RPIA: variants seen among roughly 807,000 people sequenced by gnomAD.
RPIA encodes ribose 5-phosphate isomerase A.
In RPIA, 29 loss-of-function variants were observed where a neutral mutation model predicts 37.8. That is an observed-to-expected ratio of 0.77 (90% confidence interval 0.57 to 1.05). RPIA has a LOEUF of 1.05. Among genes scored for constraint, RPIA ranks in the 50% least tolerant of loss-of-function variants. RPIA has a pLI of 0.00. For missense variants in RPIA, 385 were observed against 413.6 expected, an observed-to-expected ratio of 0.93 and a Z score of 0.60; for synonymous variants, 167 against 157.0, an observed-to-expected ratio of 1.06 and a Z score of -0.48.
intron 3 of RPIA, among the ~76,000 whole-genome samples, chr2:88,724,006 A>C (rs1418076436): frequency 6.6e-6 from 1 of 152,150 alleles, no homozygotes; most frequent in South Asian, 2.1e-4. Context: ...AGGCAATCAG[A>C]TATGCATTTA....
At position 88,710,210 on chromosome 2, in the gene RPIA, CT is replaced by C. The variant is rs1347422233; in HGVS notation, c.402+10151del. Among the ~76,000 whole-genome samples, 14 of 152,218 alleles carry C rather than the reference CT, an allele frequency of 9.2e-5. No homozygotes were observed. The East Asian group carries it at 2.7e-3, about 29-fold the overall frequency. The stretch of plus-strand genomic sequence containing the variant: ...TACAGGTGCATGCCACCATGCCTAG[CT>C]TTTTAAAAATTTTTTGTAGAGACGA... On this transcript the variant is annotated intron_variant, in intron 3 of 8. Coordinates refer to ENST00000283646, the MANE Select transcript of RPIA (RefSeq NM_144563.3).
chr2:88,744,775 G>T (rs1460956696), intron 8 of RPIA, among the ~76,000 whole-genome samples: 2 of 152,020 alleles, frequency 1.3e-5, no homozygotes. Context: ...CTAACTTGTT[G>T]CTTTAAAGTC....
intron 1 of RPIA, among the ~76,000 whole-genome samples, chr2:88,695,972 A>G (rs757155418): frequency 1.3e-5 from 2 of 149,588 alleles, no homozygotes; most frequent in African/African-American, 4.9e-5. Context: ...CATTCTTTCT[A>G]ATCTTTTCTA....
intron 3 of RPIA, among the ~76,000 whole-genome samples, chr2:88,703,273 G>A (rs1232864137): frequency 6.6e-6 from 1 of 152,194 alleles, no homozygotes; most frequent in Non-Finnish European, 1.5e-5. Flanking sequence ...CCACTAGGCA[G>A]TGCCCCAGTA....
At chr2:88,700,416 C>T (rs1031495883) in intron 3 of RPIA, among the ~76,000 whole-genome samples, 3 of 152,096 alleles carry the variant, frequency 2.0e-5, no homozygotes, top group Non-Finnish European at 2.9e-5. Context: ...CTTTGGGAGG[C>T]CAAGGTAGGC....
At chr2:88,729,195 A>G (rs1486917861) in intron 3 of RPIA, 83 bp from the exon 4 acceptor site, 2 of 1,444,334 alleles carry the variant, frequency 1.4e-6, no homozygotes, top group Non-Finnish European at 1.9e-6. Flanking sequence ...AGGACTTGGG[A>G]CACTTAAATC....
At chr2:88,730,240 T>C (rs1170189616) in intron 4 of RPIA, among the ~76,000 whole-genome samples, 19 of 56,672 alleles carry the variant, frequency 3.4e-4, no homozygotes, top group Non-Finnish European at 1.9e-4. Flanking sequence ...CCAGCATCAT[T>C]CTGATACCAA....
intron 3 of RPIA, among the ~76,000 whole-genome samples, chr2:88,715,644 G>A (rs1008280438): frequency 2.6e-5 from 4 of 152,170 alleles, no homozygotes; most frequent in Non-Finnish European, 5.9e-5. Flanking sequence ...TCACATCCTG[G>A]ACTTGAAAAT....
At chr2:88,712,783 C>T (rs2104095253) in intron 3 of RPIA, among the ~76,000 whole-genome samples, 1 of 152,298 alleles carries the variant, frequency 6.6e-6, no homozygotes, top group African/African-American at 2.4e-5. Context: ...AGCCGCTATA[C>T]TTGGCTGCAC....
Position 88,729,337 on chromosome 2 carries a change from G to T in RPIA, c.462G>T (p.Glu154Asp). The T allele has an allele frequency of 2.5e-6, 4 of 1,614,098 alleles. No individual in the cohort carries two copies. The highest frequency in any genetic ancestry group is 3.4e-6 in the Non-Finnish European group (4 of 1,179,962). ...LTLSDLDRHP[E>D]IDLAIDGADE... The stretch of plus-strand genomic sequence containing the variant: ...TCAGTGATCTGGATCGACACCCAGA[G>T]GTAAGATTGCCACTCAGAGGCAGAC... Residue 154 changes from glutamate (E) to aspartate (D), a missense_variant and splice_region_variant, in exon 4 of 9, where the codon GAG becomes GAT. Glu to Asp is a conservative substitution (Grantham distance 45, BLOSUM62 2). Around this residue, in one of 2 missense-constraint regions of RPIA, gnomAD observed 153 missense variants for 210.6 expected, o/e 0.73. Transcript: ENST00000283646.
chr2:88,735,856 T>C, intron 6 of RPIA, 119 bp downstream of exon 6: 2 of 966,418 alleles, frequency 2.1e-6, no homozygotes, highest in Admixed American at 3.4e-5. Flanking sequence ...TTTCTGAGAC[T>C]GATGGCTAGG....
intron 8 of RPIA, among the ~76,000 whole-genome samples, chr2:88,740,502 C>T (rs1281856599): frequency 6.6e-6 from 1 of 152,114 alleles, no homozygotes; most frequent in African/African-American, 2.4e-5. Context: ...AGAAGTAGGG[C>T]GAGTTTCCCT....
chr2:88,723,621 G>A (rs949318194), intron 3 of RPIA, among the ~76,000 whole-genome samples: 4 of 152,096 alleles, frequency 2.6e-5, no homozygotes, highest in African/African-American at 9.7e-5. Context: ...TGATAGATTT[G>A]TCAAAGGTCA....
chr2:88,728,425 T>C (rs1395855918), intron 3 of RPIA, among the ~76,000 whole-genome samples: 1 of 152,166 alleles, frequency 6.6e-6, no homozygotes, highest in Non-Finnish European at 1.5e-5. Flanking sequence ...ACCTGGACCT[T>C]CTGATTCTTA....
intron 3 of RPIA, among the ~76,000 whole-genome samples, chr2:88,719,796 C>A (rs976297703): frequency 6.6e-6 from 1 of 152,094 alleles, no homozygotes; most frequent in Non-Finnish European, 1.5e-5. Context: ...TTCCATAAGT[C>A]TTTTATAGAC....
chr2:88,739,107 G>A (rs1673352553), intron 8 of RPIA, among the ~76,000 whole-genome samples: 1 of 152,172 alleles, frequency 6.6e-6, no homozygotes, highest in Non-Finnish European at 1.5e-5. Flanking sequence ...CCTGGTCCAG[G>A]CTAGAGGAGG....
intron 3 of RPIA, among the ~76,000 whole-genome samples, chr2:88,704,530 C>G (rs1450041677): frequency 6.6e-6 from 1 of 152,188 alleles, no homozygotes; most frequent in East Asian, 1.9e-4. Context: ...CCTCATGATT[C>G]AATTGTCTCC....
chr2:88,705,469 T>C (rs1247689330), intron 3 of RPIA, among the ~76,000 whole-genome samples: 2 of 152,212 alleles, frequency 1.3e-5, no homozygotes, highest in African/African-American at 2.4e-5. Flanking sequence ...AAGGAATCCC[T>C]ATTTAATAAA....
At chr2:88,709,882 C>CT (rs151290860) in intron 3 of RPIA, among the ~76,000 whole-genome samples, 4 of 152,114 alleles carry the variant, frequency 2.6e-5, no homozygotes, top group East Asian at 1.9e-4. Context: ...AATAGCCCCC[C>CT]TTTTTTTTCT....
Sources: gnomAD v4.1 joint callset for allele counts (sites outside exome capture counted in the v4.1 genomes callset) on GRCh38, gnomAD v4.1.1 for gene constraint, gnomAD v4.1.1 regional missense constraint, MANE v1.5 for transcripts, NCBI Gene and HGNC (gene_info 2026-07-23, HGNC 2026-07-21) for gene names.